The following PTPN12 variants were observed in gnomAD, a reference collection of about 807,000 sequenced individuals.
PTPN12 encodes tyrosine-protein phosphatase non-receptor type 12.
In PTPN12, 29 loss-of-function variants were observed where a neutral mutation model predicts 97.6. The ratio of observed to expected loss-of-function variants is 0.30; its 90% CI spans 0.22 to 0.41. PTPN12 has a LOEUF of 0.41. Ranked by LOEUF, PTPN12 falls within the 10% of genes least tolerant of loss-of-function variation. PTPN12 has a pLI of 1.00. For synonymous variants in PTPN12, 327 were observed against 300.4 expected (o/e 1.09, Z -0.91); for missense variants, 819 against 926.0 (o/e 0.88, Z 1.50).
At chr7:77,630,967 A>G (rs1789378028) in intron 13 of PTPN12, among the ~76,000 whole-genome samples, 1 of 152,238 alleles carries the variant, frequency 6.6e-6, no homozygotes, top group South Asian at 2.1e-4. Flanking sequence ...AAGGGTGAGA[A>G]CTGCCATGAG....
chr7:77,614,727 G>T (rs947061205), intron 11 of PTPN12, among the ~76,000 whole-genome samples: 14 of 152,118 alleles, frequency 9.2e-5, no homozygotes, highest in Admixed American at 4.6e-4. Context: ...AGAAAATGTG[G>T]AATCTGAAAA....
intron 2 of PTPN12, among the ~76,000 whole-genome samples, chr7:77,573,109 AAAAAC>A: frequency 6.8e-6 from 1 of 148,074 alleles, no homozygotes; most frequent in South Asian, 2.1e-4. Flanking sequence ...AAAAAACAAA[AAAAAC>A]CAGTGTACCT....
intron 1 of PTPN12, among the ~76,000 whole-genome samples, chr7:77,548,114 A>C (rs1562704200): frequency 6.6e-6 from 1 of 152,228 alleles, no homozygotes; most frequent in East Asian, 1.9e-4. Context: ...TCTCAGGTAT[A>C]TAAAGTAGTA....
At chr7:77,613,169 T>A (rs1194193826) in intron 11 of PTPN12, among the ~76,000 whole-genome samples, 1 of 21,062 alleles carries the variant, frequency 4.7e-5, no homozygotes, top group African/African-American at 3.1e-4. Flanking sequence ...ATTTTTGGGT[T>A]TTTTTTTTTT....
At chr7:77,593,254 G>C (rs117375591) in intron 6 of PTPN12, among the ~76,000 whole-genome samples, 2,777 of 135,862 alleles carry the variant, frequency 0.02, 34 homozygotes, top group Middle Eastern at 0.074. Flanking sequence ...GGGCGACAAG[G>C]GTGAAACTCC....
At chr7:77,596,122 G>A (rs561710989) in intron 6 of PTPN12, among the ~76,000 whole-genome samples, 36 of 152,296 alleles carry the variant, frequency 2.4e-4, no homozygotes, top group African/African-American at 8.2e-4. Flanking sequence ...TCTGGGGGTG[G>A]TTACTACTTT....
chr7:77,602,712 G>T (rs1334520716), intron 8 of PTPN12, among the ~76,000 whole-genome samples: 1 of 151,822 alleles, frequency 6.6e-6, no homozygotes. Context: ...TATAGGTATG[G>T]GTTTCTACAT....
chr7:77,582,689 C>A (rs1787560955), intron 3 of PTPN12, among the ~76,000 whole-genome samples: 1 of 150,614 alleles, frequency 6.6e-6, no homozygotes, highest in Non-Finnish European at 1.5e-5. Flanking sequence ...GAGACTGAGG[C>A]AGGAGAATCG....
rs1184412737 is a variant in PTPN12, at chr7:77,571,295, C to T, written c.208+109C>T. On this transcript the variant is annotated intron_variant, in intron 2 of 17. Coordinates refer to ENST00000248594, the MANE Select transcript of PTPN12 (RefSeq NM_002835.4). ...TCACTGTTAAGGAAGTAGTAATTAA[C>T]CTATCTTTCAAAGTACATGGAAAGA... 4 of 655,740 alleles carry T rather than the reference C, an allele frequency of 6.1e-6. No individual in the cohort carries two copies. The African/African-American group carries it at 7.8e-5, about 13-fold the overall frequency. 40.6% of individuals were successfully genotyped at this position (655,740 alleles called of 1,614,324 possible).
chr7:77,564,760 T>G lies in PTPN12; in HGVS notation c.100-6318T>G, dbSNP rs1419924049. On this transcript the variant is annotated intron_variant, in intron 1 of 17. Transcript: ENST00000248594. ...TTTGTTGTCGTGTTTTTTTTTTTTT[T>G]TTTTTTTTTTTTTTTTGAGACGGAA... Among the ~76,000 whole-genome samples, 22 of 99,922 alleles carry G rather than the reference T, an allele frequency of 2.2e-4. 1 individual carries two copies. The highest frequency in any genetic ancestry group is 1.1e-4 in the Admixed American group (1 of 9,284). 65.6% of individuals were successfully genotyped at this position (99,922 alleles called of 152,430 possible). A position where few individuals can be genotyped will look rare whatever the true frequency, so the allele number is the denominator to read the frequency against.
At chr7:77,550,675 C>T (rs1438186084) in intron 1 of PTPN12, among the ~76,000 whole-genome samples, 1 of 152,148 alleles carries the variant, frequency 6.6e-6, no homozygotes, top group Non-Finnish European at 1.5e-5. Flanking sequence ...CAAAATTGCC[C>T]TTGTTTGATG....
intron 11 of PTPN12, 126 bp from the exon 12 acceptor site, chr7:77,618,354 T>C (rs566445159): frequency 1.6e-6 from 1 of 607,920 alleles, no homozygotes; most frequent in Admixed American, 3.1e-5. Context: ...ATAAGACTTT[T>C]TTTTTTTAAC....
intron 8 of PTPN12, chr7:77,604,805 ATATT>A: frequency 2.7e-6 from 1 of 369,490 alleles, no homozygotes; most frequent in South Asian, 2.1e-5. Context: ...ATATATATAT[ATATT>A]TTTATCCACC....
chr7:77,539,104 T>A (rs1439877807), intron 1 of PTPN12, among the ~76,000 whole-genome samples: 2 of 152,234 alleles, frequency 1.3e-5, no homozygotes, highest in Non-Finnish European at 2.9e-5. Flanking sequence ...GTGGAGGTGA[T>A]ATGACTTAGT....
chr7:77,551,055 T>C (rs965812874), intron 1 of PTPN12, among the ~76,000 whole-genome samples: 1 of 152,114 alleles, frequency 6.6e-6, no homozygotes, highest in Non-Finnish European at 1.5e-5. Context: ...TATTTATTTA[T>C]TTATTATTTT....
At chr7:77,574,327 T>C (rs972576327) in intron 2 of PTPN12, among the ~76,000 whole-genome samples, 12 of 152,202 alleles carry the variant, frequency 7.9e-5, no homozygotes, top group African/African-American at 2.9e-4. Context: ...TTTGCTGATT[T>C]CTGTGATAAA....
chr7:77,638,020 C>T (rs1255586890), intron 16 of PTPN12, among the ~76,000 whole-genome samples: 1 of 121,026 alleles, frequency 8.3e-6, no homozygotes, highest in African/African-American at 3.2e-5. Flanking sequence ...TGCAGTGGCG[C>T]GATCTCGGCT....
intron 11 of PTPN12, among the ~76,000 whole-genome samples, chr7:77,614,643 T>G (rs1297731029): frequency 6.6e-6 from 1 of 152,220 alleles, no homozygotes; most frequent in Non-Finnish European, 1.5e-5. Flanking sequence ...GAAATCATGT[T>G]TTCTGTAAAC....
chr7:77,555,555 T>C (rs1220660913), intron 1 of PTPN12, among the ~76,000 whole-genome samples: 1 of 152,210 alleles, frequency 6.6e-6, no homozygotes, highest in Admixed American at 6.5e-5. Flanking sequence ...CTCAGCCATG[T>C]CTAGTCTACT....
Sources: gnomAD v4.1 joint callset for allele counts (sites outside exome capture counted in the v4.1 genomes callset) on GRCh38, gnomAD v4.1.1 for gene constraint, MANE v1.5 for transcripts, NCBI Gene and HGNC (gene_info 2026-07-23, HGNC 2026-07-21) for gene names.